Variants in SLC13A4 observed in about 807,000 individuals in gnomAD.
The protein encoded by SLC13A4 is solute carrier family 13 member 4.
SLC13A4 carries 28 observed loss-of-function variants against 72.7 expected under a neutral mutation model. The observed-to-expected ratio is 0.39, with a 90% CI of 0.29 to 0.53. The LOEUF (loss-of-function observed/expected upper bound fraction) is 0.53. Among genes scored for constraint, SLC13A4 ranks in the 20% least tolerant of loss-of-function variants. SLC13A4 has a pLI of 0.78. For synonymous variants in SLC13A4, 312 were observed against 325.5 expected, an observed-to-expected ratio of 0.96 and a Z score of 0.45; for missense variants, 653 against 788.0, an observed-to-expected ratio of 0.83 and a Z score of 2.05.
chr7:135,699,580 C>T (rs1411706186), intron 7 of SLC13A4, 32 bp from the exon 8 acceptor site: 2 of 1,570,582 alleles, frequency 1.3e-6, no homozygotes, highest in Admixed American at 1.8e-5. Context: ...ATCTGTCCAA[C>T]CCAGCTTGGG....
At chr7:135,711,963 A>ATTTTTTTTTT (rs529940903) in intron 2 of SLC13A4, among the ~76,000 whole-genome samples, 1 of 46,900 alleles carries the variant, frequency 2.1e-5, no homozygotes, top group Non-Finnish European at 4.0e-5. Context: ...ATGTTTTTGG[A>ATTTTTTTTTT]TTTTTTTTTT....
chr7:135,697,847 C>G (rs1303864277), intron 8 of SLC13A4, among the ~76,000 whole-genome samples: 1 of 151,972 alleles, frequency 6.6e-6, no homozygotes, highest in Admixed American at 6.6e-5. Context: ...TCTGGCTAAT[C>G]TCTCTTAATC....
chr7:135,706,064 C>A (rs983689854), intron 4 of SLC13A4, 64 bp downstream of exon 4: 8 of 1,492,796 alleles, frequency 5.4e-6, no homozygotes, highest in Non-Finnish European at 7.2e-6. Flanking sequence ...CTAGAGGAGC[C>A]AGGCAGGAGG....
At chr7:135,715,986 G>C (rs1796424968) in intron 2 of SLC13A4, among the ~76,000 whole-genome samples, 2 of 152,174 alleles carry the variant, frequency 1.3e-5, no homozygotes, top group Non-Finnish European at 2.9e-5. Flanking sequence ...AGTGTATCTG[G>C]CATGGTCATT....
intron 6 of SLC13A4, 68 bp from the exon 7 acceptor site, chr7:135,701,828 C>G: frequency 1.3e-6 from 2 of 1,504,702 alleles, no homozygotes; most frequent in Non-Finnish European, 9.2e-7. Flanking sequence ...CGAGAAGGAC[C>G]ACCTAGTCAT....
At chr7:135,715,292 A>C (rs1178903252) in intron 2 of SLC13A4, among the ~76,000 whole-genome samples, 1 of 145,320 alleles carries the variant, frequency 6.9e-6, no homozygotes, top group Non-Finnish European at 1.5e-5. Context: ...AGTGTGTGTG[A>C]GTGTACGTAT....
At chr7:135,690,193 A>AG in intron 13 of SLC13A4, among the ~76,000 whole-genome samples, 1 of 151,054 alleles carries the variant, frequency 6.6e-6, no homozygotes, top group East Asian at 2.0e-4. Context: ...AAAAAAAAAA[A>AG]AAAAAAAAAA....
intron 12 of SLC13A4, 110 bp from the exon 13 acceptor site, chr7:135,691,435 G>T: frequency 1.2e-6 from 1 of 853,884 alleles, no homozygotes; most frequent in Non-Finnish European, 1.8e-6. Context: ...TTTGGGGCGG[G>T]GGCCGGGAGG....
intron 9 of SLC13A4, among the ~76,000 whole-genome samples, chr7:135,694,585 G>A (rs1248425566): frequency 6.6e-6 from 1 of 152,174 alleles, no homozygotes; most frequent in African/African-American, 2.4e-5. Context: ...TGGTATATGT[G>A]TCTAGATGTA....
chr7:135,692,095 A>G, intron 11 of SLC13A4: 1 of 546,460 alleles, frequency 1.8e-6, no homozygotes, highest in East Asian at 3.2e-5. Flanking sequence ...CCAAGCTTCC[A>G]AGAGCTTATG....
At chr7:135,702,035 A>G (rs1796048178) in intron 6 of SLC13A4, 2 of 327,706 alleles carry the variant, frequency 6.1e-6, no homozygotes, top group African/African-American at 4.3e-5. Flanking sequence ...TTTATTAGCT[A>G]ATGAAGAACC....
At chr7:135,724,442 A>T (rs968128311) in intron 1 of SLC13A4, among the ~76,000 whole-genome samples, 3 of 144,522 alleles carry the variant, frequency 2.1e-5, no homozygotes, top group Non-Finnish European at 3.0e-5. Context: ...GGTTGCAGTG[A>T]GCCAAGGTTG....
chr7:135,692,109 T>G, intron 11 of SLC13A4: 15 of 564,990 alleles, frequency 2.7e-5, no homozygotes, highest in East Asian at 9.2e-5. Context: ...GCTTATGTAA[T>G]GAGACTACAT....
chr7:135,699,427 A>G lies in SLC13A4; in HGVS notation c.836T>C (p.Ile279Thr), dbSNP rs1378362178. ...LSLSISYSAT[I>T]GGLTTIIGTS... Reference sequence around the variant, plus strand: ...GCCGATGATGGTGGTCAGGCCGCCAATGGTAGCGGAGTAGGATATGCTCAG... The same window carrying G: ...GCCGATGATGGTGGTCAGGCCGCCAGTGGTAGCGGAGTAGGATATGCTCAG... Residue 279 changes from isoleucine (I) to threonine (T), a missense_variant, in exon 8 of 16, where the codon ATT becomes ACT. Physicochemically the swap from Ile to Thr is moderately conservative, Grantham distance 89. Transcript: ENST00000682651. 1.9e-6 allele frequency: 3 copies of G among 1,613,174 alleles called. No homozygotes were observed. The highest frequency in any genetic ancestry group is 1.3e-5 in the African/African-American group (1 of 74,896).
At chr7:135,720,581 A>C (rs556782988) in intron 2 of SLC13A4, among the ~76,000 whole-genome samples, 15 of 151,352 alleles carry the variant, frequency 9.9e-5, no homozygotes, top group South Asian at 4.2e-4. Flanking sequence ...AAAACCAAAA[A>C]CAAAACAAAA....
intron 8 of SLC13A4, among the ~76,000 whole-genome samples, chr7:135,696,039 T>TTCA (rs1174636626): frequency 2.6e-5 from 4 of 152,220 alleles, no homozygotes; most frequent in Non-Finnish European, 5.9e-5. Flanking sequence ...GAACTGCTCA[T>TTCA]TCATCAGCAG....
At chr7:135,695,342 T>G (rs2129494212) in intron 9 of SLC13A4, 26 bp downstream of exon 9, 1 of 1,613,220 alleles carries the variant, frequency 6.2e-7, no homozygotes, top group East Asian at 2.2e-5. Context: ...GCTTCAGTGC[T>G]TTGCTGAAAG....
chr7:135,727,369 AC>A (rs1195055152), intron 1 of SLC13A4, 28 bp downstream of exon 1: 3 of 1,543,606 alleles, frequency 1.9e-6, no homozygotes, highest in Non-Finnish European at 1.7e-6. Context: ...TGACTCCCAG[AC>A]CCCCGGTGGG....
chr7:135,727,702 TG>T lies in SLC13A4; in HGVS notation c.-207del, dbSNP rs2129495731. On this transcript the variant is annotated 5_prime_UTR_variant, in exon 1 of 16. An upstream open reading frame in the 5' UTR loses its in-frame stop. Coordinates refer to ENST00000682651, the MANE Select transcript of SLC13A4 (RefSeq NM_001318192.2). ...TGGGCTCCTGGCCTCCTGCTTTAGG[TG>T]GGATTGATGAGCATCGTTTTGTGAC... 1.1e-5 allele frequency: 6 copies of T among 544,322 alleles called. No individual in the cohort carries two copies. In the South Asian group the frequency reaches 2.0e-4, roughly 18 times the overall value. The allele number at this position is 544,322 out of a possible 1,614,324, so 33.7% of individuals were successfully genotyped here.
Sources: gnomAD v4.1 joint callset for allele counts (sites outside exome capture counted in the v4.1 genomes callset) on GRCh38, gnomAD v4.1.1 for gene constraint, MANE v1.5 for transcripts, NCBI Gene and HGNC (gene_info 2026-07-23, HGNC 2026-07-21) for gene names.